The following SH3KBP1 variants were observed in gnomAD, a reference collection of about 807,000 sequenced individuals.
SH3KBP1 encodes SH3 domain-containing kinase-binding protein 1.
A neutral mutation model predicts 50.1 loss-of-function variants in SH3KBP1; 8 were observed. The ratio of observed to expected loss-of-function variants is 0.16; its 90% confidence interval spans 0.09 to 0.29. The LOEUF (loss-of-function observed/expected upper bound fraction) is 0.29, where lower values mean the gene tolerates loss of function less well. Ranked by LOEUF, SH3KBP1 falls within the 10% of genes least tolerant of loss-of-function variation. The pLI is 1.00. For missense variants in SH3KBP1, 377 were observed against 535.2 expected, an observed-to-expected ratio of 0.70 and a Z score of 2.92; for synonymous variants, 227 against 218.6, an observed-to-expected ratio of 1.04 and a Z score of -0.34.
intron 1 of SH3KBP1, among the ~76,000 whole-genome samples, chrX:19,846,774 T>C (rs1475496212): frequency 8.9e-6 from 1 of 111,884 alleles, no homozygotes; most frequent in Non-Finnish European, 1.9e-5. Flanking sequence ...AACAATTTTA[T>C]TATGGATAAG....
intron 3 of SH3KBP1, among the ~76,000 whole-genome samples, chrX:19,743,363 C>T (rs1603175533): frequency 9.1e-6 from 1 of 109,438 alleles, no homozygotes; most frequent in Non-Finnish European, 1.9e-5. Flanking sequence ...GAGCCATGAT[C>T]GCGCCACTGC....
intron 9 of SH3KBP1, among the ~76,000 whole-genome samples, chrX:19,599,399 C>T (rs1163580141): frequency 8.9e-6 from 1 of 112,348 alleles, no homozygotes; most frequent in Non-Finnish European, 1.9e-5. Context: ...GAAAATGTTG[C>T]ACTAACAGAC....
intron 13 of SH3KBP1, among the ~76,000 whole-genome samples, chrX:19,557,709 C>G (rs767453434): frequency 9.0e-6 from 1 of 111,666 alleles, no homozygotes; most frequent in African/African-American, 3.3e-5. Context: ...AAACGCTCAG[C>G]CCATTCATTC....
At chrX:19,706,132 C>T (rs1405175854) in intron 4 of SH3KBP1, among the ~76,000 whole-genome samples, 1 of 111,728 alleles carries the variant, frequency 9.0e-6, no homozygotes, top group Non-Finnish European at 1.9e-5. Flanking sequence ...TTGTGGGTTT[C>T]TGTAAGGTCA....
intron 3 of SH3KBP1, among the ~76,000 whole-genome samples, chrX:19,727,532 A>G (rs1346915649): frequency 4.4e-5 from 5 of 112,702 alleles, no homozygotes; most frequent in African/African-American, 6.4e-5. Context: ...TTGTTTATCA[A>G]TTCATCCTCA....
chrX:19,804,886 C>CCA (rs2066995055), intron 2 of SH3KBP1, among the ~76,000 whole-genome samples: 1 of 52,813 alleles, frequency 1.9e-5, no homozygotes, highest in African/African-American at 1.1e-4. Context: ...AACCCTACCC[C>CCA]CCCCCCCCCA....
chrX:19,698,004 C>T (rs1030664036), intron 4 of SH3KBP1, among the ~76,000 whole-genome samples: 9 of 112,239 alleles, frequency 8.0e-5, no homozygotes, highest in African/African-American at 2.6e-4. Flanking sequence ...CGCAGCATTT[C>T]CACTGAAATC....
chrX:19,591,916 G>T, intron 11 of SH3KBP1, 151 bp downstream of exon 11: 1 of 495,809 alleles, frequency 2.0e-6, no homozygotes, highest in Non-Finnish European at 3.6e-6. Flanking sequence ...TACTTCCTTA[G>T]CAATAGGATT....
rs1483626834 is a variant in SH3KBP1 at position 19,536,128 on chromosome X, A to T, written c.*289T>A. On this transcript the variant is annotated 3_prime_UTR_variant, in exon 18 of 18. Coordinates refer to ENST00000397821, the MANE Select transcript of SH3KBP1 (RefSeq NM_031892.3). ...ATCAAAATAGTACCACTATGGACTA[A>T]ACTGCCTGAGTTTTCATTTCGCATT... 4.6e-6 allele frequency: 1 copy of T among 218,927 alleles called. No homozygotes were observed. The highest frequency in any genetic ancestry group is 8.3e-6 in the Non-Finnish European group (1 of 120,460). The allele number at this position is 218,927 out of a possible 1,213,427, so 18.0% of individuals were successfully genotyped here. A position where few individuals can be genotyped will look rare whatever the true frequency, so the allele number is the denominator to read the frequency against.
intron 4 of SH3KBP1, among the ~76,000 whole-genome samples, chrX:19,703,876 A>G (rs1435190310): frequency 9.0e-6 from 1 of 110,640 alleles, no homozygotes; most frequent in South Asian, 3.8e-4. Flanking sequence ...CAAAACTATT[A>G]TGTTCTTGCT....
intron 6 of SH3KBP1, among the ~76,000 whole-genome samples, chrX:19,665,464 C>A (rs1262732269): frequency 1.8e-5 from 2 of 111,894 alleles, no homozygotes; most frequent in Non-Finnish European, 3.8e-5. Flanking sequence ...CTTTTAGAGG[C>A]AATTCCAGCA....
intron 13 of SH3KBP1, among the ~76,000 whole-genome samples, chrX:19,566,449 G>A (rs765022324): frequency 7.9e-4 from 88 of 111,294 alleles, no homozygotes; most frequent in African/African-American, 2.8e-3. Context: ...AAGCAAGACA[G>A]ATTATCCTGT....
At chrX:19,812,956 AAGAG>A (rs1322095678) in intron 2 of SH3KBP1, among the ~76,000 whole-genome samples, 1 of 106,594 alleles carries the variant, frequency 9.4e-6, no homozygotes, top group Non-Finnish European at 1.9e-5. Context: ...GCCTGGGTGA[AAGAG>A]AGAGACTCTG....
chrX:19,633,899 A>G (rs189194698), intron 7 of SH3KBP1, among the ~76,000 whole-genome samples: 29 of 111,481 alleles, frequency 2.6e-4, no homozygotes, highest in African/African-American at 9.5e-4. Flanking sequence ...AAATATGTCC[A>G]GGCAAATAAT....
chrX:19,861,810 T>C (rs1242320071), intron 1 of SH3KBP1, among the ~76,000 whole-genome samples: 2 of 112,174 alleles, frequency 1.8e-5, no homozygotes, highest in Non-Finnish European at 3.8e-5. Context: ...AGGAGCATTG[T>C]CATGGTGAAG....
chrX:19,869,322 G>A (rs2068978120), intron 1 of SH3KBP1, among the ~76,000 whole-genome samples: 2 of 112,668 alleles, frequency 1.8e-5, no homozygotes, highest in Non-Finnish European at 3.7e-5. Context: ...TTACACAGCT[G>A]GAGCCTGTTT....
chrX:19,552,535 G>A (rs2147663840), intron 13 of SH3KBP1, among the ~76,000 whole-genome samples: 1 of 110,643 alleles, frequency 9.0e-6, no homozygotes, highest in East Asian at 2.8e-4. Flanking sequence ...GCTGCCAACG[G>A]CCTTGGCTGG....
intron 2 of SH3KBP1, 40 bp downstream of exon 2, chrX:19,836,085 C>T (rs1638767202): frequency 2.5e-6 from 3 of 1,185,866 alleles, no homozygotes; most frequent in Non-Finnish European, 3.4e-6. Flanking sequence ...TCAGCAGAGC[C>T]CACACAGGAG....
chrX:19,538,897 A>AT (rs985353525), intron 16 of SH3KBP1, among the ~76,000 whole-genome samples: 1 of 111,688 alleles, frequency 9.0e-6, no homozygotes, highest in Non-Finnish European at 1.9e-5. Flanking sequence ...TATTTCCTTT[A>AT]TTTTCAATAG....
Sources: gnomAD v4.1 joint callset for allele counts (sites outside exome capture counted in the v4.1 genomes callset) on GRCh38, gnomAD v4.1.1 for gene constraint, MANE v1.5 for transcripts, NCBI Gene and HGNC (gene_info 2026-07-23, HGNC 2026-07-21) for gene names.